Variants in AUTS2 observed in about 807,000 individuals in gnomAD.
AUTS2 encodes activator of transcription and developmental regulator AUTS2.
AUTS2 carries 17 observed loss-of-function variants against 112.4 expected under a neutral mutation model. The observed-to-expected ratio is 0.15, with a 90% CI of 0.10 to 0.23. The LOEUF (loss-of-function observed/expected upper bound fraction) is 0.23. AUTS2 is among the 10% of genes least tolerant of loss of function. AUTS2 has a pLI of 1.00. For missense variants in AUTS2, 1,510 were observed against 1,701.6 expected (o/e 0.89, Z 1.98); for synonymous variants, 751 against 702.7 (o/e 1.07, Z -1.09).
chr7:70,689,222 G>T (rs1292649808), intron 5 of AUTS2, among the ~76,000 whole-genome samples: 1 of 152,100 alleles, frequency 6.6e-6, no homozygotes, highest in African/African-American at 2.4e-5. Flanking sequence ...TTAGCCAGAT[G>T]TGTTGGTGCA....
chr7:70,081,073 C>G (rs1057428740), intron 2 of AUTS2, among the ~76,000 whole-genome samples: 18 of 152,108 alleles, frequency 1.2e-4, no homozygotes, highest in African/African-American at 3.4e-4. Context: ...TTGTGTTTTT[C>G]TCTCAGAGCT....
intron 1 of AUTS2, among the ~76,000 whole-genome samples, chr7:69,660,625 G>T (rs1031801116): frequency 6.6e-6 from 1 of 152,156 alleles, no homozygotes; most frequent in Non-Finnish European, 1.5e-5. Context: ...AACTAATGAT[G>T]AAGCAAAACA....
chr7:69,621,051 G>A (rs944478729), intron 1 of AUTS2, among the ~76,000 whole-genome samples: 3 of 152,146 alleles, frequency 2.0e-5, no homozygotes, highest in Non-Finnish European at 4.4e-5. Flanking sequence ...TTCACCATAA[G>A]CCCAGTATTG....
At chr7:69,687,804 A>T (rs1797128928) in intron 1 of AUTS2, among the ~76,000 whole-genome samples, 1 of 152,196 alleles carries the variant, frequency 6.6e-6, no homozygotes, top group Non-Finnish European at 1.5e-5. Flanking sequence ...CCTGAAGTTA[A>T]GATCAACAGC....
At chr7:70,516,579 C>G (rs1563009612) in intron 5 of AUTS2, among the ~76,000 whole-genome samples, 1 of 152,102 alleles carries the variant, frequency 6.6e-6, no homozygotes. Flanking sequence ...GTCTCATTGT[C>G]CTGAGCTTTT....
intron 4 of AUTS2, among the ~76,000 whole-genome samples, chr7:70,427,598 AT>A (rs923276108): frequency 1.5e-4 from 23 of 152,230 alleles, no homozygotes; most frequent in East Asian, 5.8e-4. Context: ...AGGAAAAAAA[AT>A]ATTAGAATTT....
At chr7:69,713,345 A>G (rs1031858416) in intron 1 of AUTS2, among the ~76,000 whole-genome samples, 10 of 152,280 alleles carry the variant, frequency 6.6e-5, no homozygotes, top group African/African-American at 2.4e-4. Context: ...CTATAGTGCA[A>G]GAGAACACCA....
At chr7:69,930,399 G>A (rs777078745) in intron 2 of AUTS2, among the ~76,000 whole-genome samples, 6 of 152,048 alleles carry the variant, frequency 3.9e-5, no homozygotes, top group Non-Finnish European at 7.4e-5. Flanking sequence ...TCAATTCATC[G>A]AGTTGGCCTG....
At chr7:70,192,681 A>G (rs1454945987) in intron 4 of AUTS2, among the ~76,000 whole-genome samples, 1 of 152,208 alleles carries the variant, frequency 6.6e-6, no homozygotes, top group East Asian at 1.9e-4. Context: ...TTTCTCAGTT[A>G]TCAGTGGAAG....
intron 2 of AUTS2, among the ~76,000 whole-genome samples, chr7:70,059,908 A>G (rs1272240437): frequency 6.6e-6 from 1 of 152,196 alleles, no homozygotes; most frequent in Admixed American, 6.5e-5. Context: ...GTTCCAAATA[A>G]TTGACTTAAA....
At chr7:69,604,455 A>C (rs1279320957) in intron 1 of AUTS2, among the ~76,000 whole-genome samples, 1 of 152,254 alleles carries the variant, frequency 6.6e-6, no homozygotes, top group Non-Finnish European at 1.5e-5. Flanking sequence ...CACCTATGAA[A>C]TAATTTTGAA....
At chr7:70,435,585 T>C (rs1204817680) in intron 4 of AUTS2, among the ~76,000 whole-genome samples, 167 bp from the exon 5 acceptor site, 3 of 152,224 alleles carry the variant, frequency 2.0e-5, no homozygotes, top group Non-Finnish European at 2.9e-5. Context: ...AGATGCTGTT[T>C]ACTAGCACTT....
At chr7:70,653,135 G>T (rs977020628) in intron 5 of AUTS2, among the ~76,000 whole-genome samples, 2 of 152,098 alleles carry the variant, frequency 1.3e-5, no homozygotes, top group African/African-American at 2.4e-5. Context: ...CACACCTGCA[G>T]TCCTACCTAC....
intron 4 of AUTS2, among the ~76,000 whole-genome samples, chr7:70,156,948 G>A (rs776598976): frequency 1.4e-5 from 2 of 142,968 alleles, no homozygotes; most frequent in African/African-American, 2.7e-5. Flanking sequence ...GTGGTGGCAG[G>A]CACCTGTAGT....
chr7:70,030,153 G>A (rs188815912), intron 2 of AUTS2, among the ~76,000 whole-genome samples: 17 of 152,252 alleles, frequency 1.1e-4, no homozygotes, highest in African/African-American at 4.1e-4. Context: ...AAATACACCA[G>A]GAATCACAGG....
intron 1 of AUTS2, among the ~76,000 whole-genome samples, chr7:69,837,885 G>C (rs1791795411): frequency 1.3e-5 from 2 of 152,190 alleles, no homozygotes; most frequent in Admixed American, 6.5e-5. Context: ...CCTGGGATGT[G>C]TAGCTTCTCT....
intron 1 of AUTS2, among the ~76,000 whole-genome samples, chr7:69,678,605 A>G (rs901909436): frequency 2.6e-5 from 4 of 152,190 alleles, no homozygotes; most frequent in Non-Finnish European, 5.9e-5. Flanking sequence ...AGTTTTCAGA[A>G]ACTCAATTGT....
chr7:69,703,939 G>A (rs1351262378), intron 1 of AUTS2, among the ~76,000 whole-genome samples: 3 of 152,308 alleles, frequency 2.0e-5, no homozygotes, highest in East Asian at 3.9e-4. Context: ...ATTTAATTAA[G>A]TCCTTGGTAA....
At chr7:70,030,634 G>A (rs1800732954) in intron 2 of AUTS2, among the ~76,000 whole-genome samples, 1 of 152,104 alleles carries the variant, frequency 6.6e-6, no homozygotes, top group Non-Finnish European at 1.5e-5. Flanking sequence ...ACTTAATAAA[G>A]GCAGGTGAGT....
Sources: allele counts gnomAD v4.1 joint callset (sites outside exome capture counted in the v4.1 genomes callset), GRCh38; gene constraint gnomAD v4.1.1; transcripts MANE v1.5; gene names NCBI Gene and HGNC (gene_info 2026-07-23, HGNC 2026-07-21).